ZMYM2: variants seen among roughly 807,000 people sequenced by gnomAD.
The protein encoded by ZMYM2 is zinc finger MYM-type containing 2.
A neutral mutation model predicts 162.8 loss-of-function variants in ZMYM2; 56 were observed. The observed-to-expected ratio is 0.34, with a 90% CI of 0.28 to 0.43. The LOEUF is 0.43. Among genes scored for constraint, ZMYM2 ranks in the 20% least tolerant of loss-of-function variants. The pLI is 1.00. For synonymous variants in ZMYM2, 510 were observed against 541.6 expected (o/e 0.94, Z 0.81); for missense variants, 1,275 against 1,621.8 (o/e 0.79, Z 3.67).
chr13:20,085,958 C>T lies in ZMYM2; in HGVS notation c.4078C>T (p.Leu1360=). ...GGAAAATATGCTTGTACGGGTTCTT[C>T]TAGTAAAAGATATTTATGATAAAGA... ...TLENMLVRVL[L]VKDIYDKDNY... Residue 1360 remains leucine (L), a synonymous_variant, in exon 25 of 25, where the codon CTA becomes TTA. Transcript: ENST00000610343. 6.2e-7 allele frequency: 1 copy of T among 1,613,622 alleles called. No homozygotes were observed. The highest frequency in any genetic ancestry group is 8.5e-7 in the Non-Finnish European group (1 of 1,179,718).
chr13:20,037,494 G>A (rs1055147135), intron 12 of ZMYM2, among the ~76,000 whole-genome samples: 3 of 152,078 alleles, frequency 2.0e-5, no homozygotes, highest in African/African-American at 4.8e-5. Context: ...GATTACAGGC[G>A]TGAGCCACCA....
intron 14 of ZMYM2, among the ~76,000 whole-genome samples, chr13:20,056,300 C>A (rs1254621006): frequency 6.6e-6 from 1 of 152,172 alleles, no homozygotes; most frequent in East Asian, 1.9e-4. Flanking sequence ...TTGCTTCATC[C>A]TAGAAGTTGA....
chr13:19,883,255 G>C, the ZMYM2 span, among the ~76,000 whole-genome samples: 1 of 152,110 alleles, frequency 6.6e-6, no homozygotes, highest in Non-Finnish European at 1.5e-5. Context: ...GTGAAGAATG[G>C]GTATTGACTA....
chr13:19,989,750 T>C (rs1183347373), intron 2 of ZMYM2, among the ~76,000 whole-genome samples: 1 of 152,228 alleles, frequency 6.6e-6, no homozygotes, highest in Non-Finnish European at 1.5e-5. Flanking sequence ...TAATAGGTCT[T>C]ATTCTGTTTT....
the ZMYM2 span, among the ~76,000 whole-genome samples, chr13:19,886,870 A>G: frequency 2.2e-4 from 33 of 151,024 alleles, no homozygotes; most frequent in African/African-American, 7.3e-4. Context: ...TGTGTTGACC[A>G]TGGCTGGTCT....
At chr13:20,061,554 T>C (rs1450529700) in intron 17 of ZMYM2, among the ~76,000 whole-genome samples, 1 of 152,096 alleles carries the variant, frequency 6.6e-6, no homozygotes, top group Non-Finnish European at 1.5e-5. Context: ...TGATCAAAAC[T>C]CTTATTTTGT....
At chr13:19,883,998 T>C in the ZMYM2 span, among the ~76,000 whole-genome samples, 3 of 152,156 alleles carry the variant, frequency 2.0e-5, no homozygotes, top group Non-Finnish European at 2.9e-5. Context: ...CTCCAAGTGA[T>C]CCGCCCGGTT....
At chr13:19,977,945 C>T (rs970884187) in intron 2 of ZMYM2, among the ~76,000 whole-genome samples, 26 of 149,482 alleles carry the variant, frequency 1.7e-4, no homozygotes, top group Non-Finnish European at 2.5e-4. Context: ...GGCACAATCT[C>T]GGCTCACTGC....
At chr13:19,871,584 C>T in the ZMYM2 span, among the ~76,000 whole-genome samples, 1 of 151,926 alleles carries the variant, frequency 6.6e-6, no homozygotes, top group African/African-American at 2.4e-5. Context: ...CTGCATGCAC[C>T]TTACATATGG....
the ZMYM2 span, among the ~76,000 whole-genome samples, chr13:19,953,167 A>C: frequency 6.6e-6 from 1 of 152,150 alleles, no homozygotes; most frequent in Admixed American, 6.6e-5. Flanking sequence ...GTTATTGATA[A>C]ATTACCCAGT....
chr13:20,075,670 C>CTTTTTTTTTTTTTTTTTTTTTTTT (rs56664916), intron 21 of ZMYM2, among the ~76,000 whole-genome samples: 15 of 75,718 alleles, frequency 2.0e-4, no homozygotes, highest in African/African-American at 3.3e-4. Flanking sequence ...CTATAGACAC[C>CTTTTTTTTTTTTTTTTTTTTTTTT]TTTTTTTTTT....
chr13:20,004,246 C>G (rs966831820), intron 4 of ZMYM2, among the ~76,000 whole-genome samples: 2 of 151,754 alleles, frequency 1.3e-5, no homozygotes, highest in African/African-American at 4.8e-5. Flanking sequence ...TCAGTATTGT[C>G]AGTTTTGTTT....
At chr13:19,941,361 T>C in the ZMYM2 span, among the ~76,000 whole-genome samples, 2 of 151,606 alleles carry the variant, frequency 1.3e-5, no homozygotes, top group Non-Finnish European at 2.9e-5. Context: ...AGAAAAACTT[T>C]AGGCGAAATA....
chr13:20,081,030 A>G (rs1957875222), intron 21 of ZMYM2, among the ~76,000 whole-genome samples: 1 of 152,218 alleles, frequency 6.6e-6, no homozygotes. Context: ...ACCTTGGCTT[A>G]GTGTAATATG....
chr13:19,901,007 C>T, the ZMYM2 span, among the ~76,000 whole-genome samples: 2 of 152,138 alleles, frequency 1.3e-5, no homozygotes, highest in Non-Finnish European at 2.9e-5. Flanking sequence ...TCTTGGTTTG[C>T]AGACAGCTAT....
rs566704762 is a variant in ZMYM2, at chr13:20,002,293, C to T, written c.848-557C>T. ...TTTATAAATACGTGAATACTTCCTG[C>T]TTAATAACTAGTGACATTTTTTAAT... On this transcript the variant is annotated intron_variant, in intron 3 of 24. Coordinates refer to ENST00000610343, the MANE Select transcript of ZMYM2 (RefSeq NM_197968.4). Among the ~76,000 whole-genome samples the T allele has an allele frequency of 5.9e-5, 9 of 152,248 alleles. No homozygotes were observed. The East Asian group carries it at 1.4e-3, about 23-fold the overall frequency.
chr13:19,885,611 G>A, the ZMYM2 span, among the ~76,000 whole-genome samples: 7 of 152,110 alleles, frequency 4.6e-5, no homozygotes, highest in South Asian at 2.1e-4. Context: ...AGGCCGAGGC[G>A]GGTGGATCAA....
At chr13:20,070,912 C>A (rs1270042949) in intron 21 of ZMYM2, 1 of 151,322 alleles carries the variant, frequency 6.6e-6, no homozygotes, top group African/African-American at 2.4e-5. Context: ...CAGTGTAGAT[C>A]CTTTGAGACC....
intron 21 of ZMYM2, among the ~76,000 whole-genome samples, chr13:20,079,492 A>G (rs1033661574): frequency 2.0e-5 from 3 of 151,956 alleles, no homozygotes; most frequent in African/African-American, 7.3e-5. Flanking sequence ...GAAACCACAC[A>G]CAGGATTTCT....
Sources: gnomAD v4.1 joint callset for allele counts (sites outside exome capture counted in the v4.1 genomes callset) on GRCh38, gnomAD v4.1.1 for gene constraint, MANE v1.5 for transcripts, NCBI Gene and HGNC (gene_info 2026-07-23, HGNC 2026-07-21) for gene names.